The following CELF4 variants were observed in gnomAD, a reference collection of about 807,000 sequenced individuals.
The protein encoded by CELF4 is CUGBP Elav-like family member 4.
Under a neutral mutation model 59.9 loss-of-function variants are expected in CELF4, and 18 were observed. That is an observed-to-expected ratio of 0.30 (90% CI 0.21 to 0.45). The LOEUF is 0.45. Among genes scored for constraint, CELF4 ranks in the 20% least tolerant of loss-of-function variants. CELF4 has a pLI of 1.00. For missense variants in CELF4, 456 were observed against 689.0 expected, an observed-to-expected ratio of 0.66 and a Z score of 3.79; for synonymous variants, 261 against 267.1, an observed-to-expected ratio of 0.98 and a Z score of 0.22.
At chr18:37,511,984 C>T (rs2099944893) in intron 1 of CELF4, among the ~76,000 whole-genome samples, 1 of 152,030 alleles carries the variant, frequency 6.6e-6, no homozygotes, top group Admixed American at 6.6e-5. Flanking sequence ...TGCAGTTCAT[C>T]AGGCCCAGAA....
At chr18:37,547,043 G>T (rs1412050099) in intron 1 of CELF4, among the ~76,000 whole-genome samples, 2 of 152,190 alleles carry the variant, frequency 1.3e-5, no homozygotes, top group Non-Finnish European at 2.9e-5. Flanking sequence ...AAACAGAGAA[G>T]TCATTCCTGG....
intron 2 of CELF4, among the ~76,000 whole-genome samples, chr18:37,411,014 TG>T: frequency 6.6e-6 from 1 of 152,302 alleles, no homozygotes; most frequent in Middle Eastern, 3.4e-3. Flanking sequence ...TGGAGTGAAG[TG>T]GCACTATCAT....
chr18:37,477,649 C>T (rs1342686501), intron 2 of CELF4, among the ~76,000 whole-genome samples: 2 of 152,138 alleles, frequency 1.3e-5, no homozygotes, highest in African/African-American at 2.4e-5. Flanking sequence ...CTCCTGGGCA[C>T]TTCCCTTCAC....
chr18:37,550,688 A>G (rs565437592), intron 1 of CELF4, among the ~76,000 whole-genome samples: 1 of 152,354 alleles, frequency 6.6e-6, no homozygotes, highest in Admixed American at 6.5e-5. Flanking sequence ...CTGCTGCAGC[A>G]GGGGAGGTGG....
At chr18:37,262,102 G>A (rs966451665) in intron 10 of CELF4, among the ~76,000 whole-genome samples, 4 of 152,140 alleles carry the variant, frequency 2.6e-5, no homozygotes, top group African/African-American at 9.7e-5. Context: ...CCCCTGCCTG[G>A]ACCTCCTGCC....
intron 2 of CELF4, among the ~76,000 whole-genome samples, chr18:37,442,627 G>C (rs1401365356): frequency 6.6e-6 from 1 of 152,196 alleles, no homozygotes; most frequent in East Asian, 1.9e-4. Context: ...CTCCCGGGAA[G>C]GTTGCTTTCA....
chr18:37,458,802 T>C (rs1273364546), intron 2 of CELF4, among the ~76,000 whole-genome samples: 1 of 152,226 alleles, frequency 6.6e-6, no homozygotes, highest in Non-Finnish European at 1.5e-5. Context: ...ACAAAGCTCA[T>C]TAAGGTTTGC....
intron 1 of CELF4, among the ~76,000 whole-genome samples, chr18:37,513,365 A>G (rs2099946745): frequency 6.6e-6 from 1 of 152,200 alleles, no homozygotes; most frequent in South Asian, 2.1e-4. Context: ...TCCCAGGCAC[A>G]GTGTGAGCAA....
At chr18:37,396,679 G>T (rs1346668830) in intron 2 of CELF4, among the ~76,000 whole-genome samples, 1 of 152,144 alleles carries the variant, frequency 6.6e-6, no homozygotes, top group African/African-American at 2.4e-5. Flanking sequence ...GGATGAGGCG[G>T]GTGACTGGAG....
At chr18:37,425,968 G>T (rs1446406396) in intron 2 of CELF4, among the ~76,000 whole-genome samples, 1 of 152,228 alleles carries the variant, frequency 6.6e-6, no homozygotes, top group Admixed American at 6.5e-5. Context: ...GTCTGCCAGG[G>T]ACAGTGCCTG....
intron 2 of CELF4, among the ~76,000 whole-genome samples, chr18:37,388,320 G>A (rs967791087): frequency 6.6e-6 from 1 of 152,042 alleles, no homozygotes; most frequent in Non-Finnish European, 1.5e-5. Flanking sequence ...GGCCACCTGT[G>A]GCCTCTGACT....
intron 2 of CELF4, among the ~76,000 whole-genome samples, chr18:37,337,300 C>A (rs973612635): frequency 6.6e-6 from 1 of 152,156 alleles, no homozygotes; most frequent in Non-Finnish European, 1.5e-5. Flanking sequence ...GAGCCTCACA[C>A]CCTCCCCTTG....
intron 2 of CELF4, among the ~76,000 whole-genome samples, chr18:37,384,031 A>C (rs1396730570): frequency 6.6e-6 from 1 of 152,078 alleles, no homozygotes; most frequent in African/African-American, 2.4e-5. Flanking sequence ...ACTGCTCCCC[A>C]CGGTGCTGAG....
intron 2 of CELF4, among the ~76,000 whole-genome samples, chr18:37,349,821 C>T (rs993517971): frequency 1.3e-5 from 2 of 152,132 alleles, no homozygotes; most frequent in African/African-American, 2.4e-5. Context: ...GGCAGCAGGA[C>T]AGCAGGTGCA....
intron 2 of CELF4, among the ~76,000 whole-genome samples, chr18:37,353,233 A>AAAAAAAAATATATATATAT (rs71168258): frequency 9.3e-6 from 1 of 106,990 alleles, no homozygotes; most frequent in East Asian, 2.8e-4. Flanking sequence ...AAAAAAAAAA[A>AAAAAAAAATATATATATAT]ATATATATAT....
At chr18:37,261,503 C>A (rs1020018173) in intron 10 of CELF4, among the ~76,000 whole-genome samples, 1 of 152,230 alleles carries the variant, frequency 6.6e-6, no homozygotes, top group East Asian at 1.9e-4. Context: ...GCCAGGGCAG[C>A]AGCTCTAGTC....
intron 1 of CELF4, among the ~76,000 whole-genome samples, chr18:37,543,369 C>T (rs551851374): frequency 4.0e-4 from 61 of 152,282 alleles, no homozygotes; most frequent in African/African-American, 1.2e-3. Flanking sequence ...GGCATCTTCC[C>T]GGCCATCTCC....
intron 1 of CELF4, among the ~76,000 whole-genome samples, chr18:37,553,805 G>T (rs1035573632): frequency 1.3e-5 from 2 of 152,114 alleles, no homozygotes; most frequent in Non-Finnish European, 2.9e-5. Flanking sequence ...TGCGGGAGAG[G>T]TTTGAGTTGG....
intron 2 of CELF4, among the ~76,000 whole-genome samples, chr18:37,354,547 G>A (rs1054760043): frequency 2.0e-5 from 3 of 152,202 alleles, no homozygotes; most frequent in Admixed American, 1.3e-4. Flanking sequence ...GTTCCCGTAG[G>A]TAGGTAAAAA....
Sources: gnomAD v4.1 joint callset for allele counts (sites outside exome capture counted in the v4.1 genomes callset) on GRCh38, gnomAD v4.1.1 for gene constraint, MANE v1.5 for transcripts, NCBI Gene and HGNC (gene_info 2026-07-23, HGNC 2026-07-21) for gene names.